Variants in ANO6 observed in about 807,000 individuals in gnomAD.
ANO6 encodes the protein anoctamin 6.
In ANO6, 106 loss-of-function variants were observed where a neutral mutation model predicts 117.5. That is an observed-to-expected ratio of 0.90 (90% CI 0.77 to 1.06). The LOEUF is 1.06. Among genes scored for constraint, ANO6 ranks in the 50% least tolerant of loss-of-function variants. The probability of loss-of-function intolerance (pLI) is 0.00; values close to 1 mark genes in which losing one functional copy is unlikely to be tolerated. For synonymous variants in ANO6, 367 were observed against 385.1 expected, an observed-to-expected ratio of 0.95 and a Z score of 0.55; for missense variants, 955 against 1,121.1, an observed-to-expected ratio of 0.85 and a Z score of 2.12.
intron 1 of ANO6, chr12:45,270,664 A>C (rs1938366812): frequency 4.4e-6 from 2 of 458,242 alleles, no homozygotes; most frequent in Admixed American, 4.1e-5. Flanking sequence ...GTTGAATTGA[A>C]GTTCTGTAAC....
intron 1 of ANO6, among the ~76,000 whole-genome samples, chr12:45,244,571 G>A (rs1269108591): frequency 6.6e-6 from 1 of 152,120 alleles, no homozygotes; most frequent in African/African-American, 2.4e-5. Context: ...TCCAAAAGGG[G>A]ACTGGATTGT....
chr12:45,324,670 A>AAACCCTTAGATG (rs1281294683), intron 2 of ANO6, among the ~76,000 whole-genome samples: 2 of 152,208 alleles, frequency 1.3e-5, no homozygotes, highest in East Asian at 3.9e-4. Flanking sequence ...GTACCAGGAA[A>AAACCCTTAGATG]AACCCTTAGA....
rs557454408 is a variant in ANO6 at position 45,372,733 on chromosome 12, A to G, written c.1104+4940A>G. Among the ~76,000 whole-genome samples the G allele has an allele frequency of 9.3e-3, 1,418 of 152,300 alleles. 27 individuals carry two copies. The highest frequency in any genetic ancestry group is 0.032 in the African/African-American group (1,335 of 41,538). ...GAAGCACTAAACATGGAAAGGAACAACCAGTACCAGGCGCTGCAAAATCAT... is the reference window on the plus strand; with the variant it reads ...GAAGCACTAAACATGGAAAGGAACAGCCAGTACCAGGCGCTGCAAAATCAT... On this transcript the variant is annotated intron_variant, in intron 9 of 19. Coordinates refer to ENST00000320560, the MANE Select transcript of ANO6 (RefSeq NM_001025356.3).
intron 2 of ANO6, among the ~76,000 whole-genome samples, chr12:45,330,408 G>T (rs1940624577): frequency 6.6e-6 from 1 of 152,068 alleles, no homozygotes; most frequent in African/African-American, 2.4e-5. Flanking sequence ...AATCTTATCA[G>T]TTTTTAATGA....
At chr12:45,257,760 T>A (rs1937888267) in intron 1 of ANO6, among the ~76,000 whole-genome samples, 1 of 152,206 alleles carries the variant, frequency 6.6e-6, no homozygotes, top group Non-Finnish European at 1.5e-5. Context: ...TTCATACTGT[T>A]GCCAAATTTA....
At chr12:45,407,070 A>C (rs1181135750) in intron 15 of ANO6, among the ~76,000 whole-genome samples, 1 of 152,204 alleles carries the variant, frequency 6.6e-6, no homozygotes, top group Non-Finnish European at 1.5e-5. Flanking sequence ...GGTGATTCTC[A>C]TGTGAAGTCA....
intron 2 of ANO6, among the ~76,000 whole-genome samples, chr12:45,321,851 C>T (rs1025543116): frequency 6.6e-6 from 1 of 152,098 alleles, no homozygotes; most frequent in Non-Finnish European, 1.5e-5. Context: ...ACTTCCATTT[C>T]TCCCCACAGA....
intron 1 of ANO6, among the ~76,000 whole-genome samples, chr12:45,266,042 A>G (rs1009025896): frequency 5.9e-5 from 9 of 152,194 alleles, no homozygotes; most frequent in Admixed American, 1.3e-4. Flanking sequence ...CTTAGACCCT[A>G]TATCCTTGGT....
intron 1 of ANO6, among the ~76,000 whole-genome samples, chr12:45,260,139 G>A (rs1470301897): frequency 6.6e-6 from 1 of 152,200 alleles, no homozygotes; most frequent in Admixed American, 6.5e-5. Flanking sequence ...CGAGCACTTA[G>A]CGCTGGGCTC....
chr12:45,218,755 T>G (rs554176229), intron 1 of ANO6, among the ~76,000 whole-genome samples: 1 of 152,314 alleles, frequency 6.6e-6, no homozygotes, highest in African/African-American at 2.4e-5. Context: ...AGGAGACTGG[T>G]GAAATGAAGA....
chr12:45,417,875 T>G (rs1317225093), intron 17 of ANO6, among the ~76,000 whole-genome samples: 1 of 152,112 alleles, frequency 6.6e-6, no homozygotes, highest in Admixed American at 6.5e-5. Context: ...GGCTCTAGAG[T>G]CAGGTAGACC....
At chr12:45,400,056 AGT>A (rs1942742586) in intron 12 of ANO6, among the ~76,000 whole-genome samples, 1 of 152,118 alleles carries the variant, frequency 6.6e-6, no homozygotes, top group Non-Finnish European at 1.5e-5. Flanking sequence ...TGGAGAGGTG[AGT>A]GTGTCTTCAG....
chr12:45,306,105 A>G (rs1375500691), intron 2 of ANO6, among the ~76,000 whole-genome samples: 1 of 152,190 alleles, frequency 6.6e-6, no homozygotes, highest in African/African-American at 2.4e-5. Flanking sequence ...AGATACTGCC[A>G]TGGATAGAAA....
chr12:45,324,154 G>A (rs938643203), intron 2 of ANO6, among the ~76,000 whole-genome samples: 9 of 151,926 alleles, frequency 5.9e-5, no homozygotes, highest in Non-Finnish European at 1.5e-5. Context: ...GGCTGGTCTC[G>A]AACTCCTGAC....
chr12:45,310,002 A>G (rs926713717), intron 2 of ANO6, among the ~76,000 whole-genome samples: 19 of 152,102 alleles, frequency 1.2e-4, no homozygotes, highest in African/African-American at 4.6e-4. Context: ...TGTGGTAGGA[A>G]TTCACATGGC....
chr12:45,427,434 C>T (rs1943530092), intron 19 of ANO6, among the ~76,000 whole-genome samples: 1 of 152,168 alleles, frequency 6.6e-6, no homozygotes, highest in Non-Finnish European at 1.5e-5. Context: ...TGGCTATTCC[C>T]TTTACCTAGA....
At chr12:45,246,087 G>A (rs999189139) in intron 1 of ANO6, among the ~76,000 whole-genome samples, 10 of 152,116 alleles carry the variant, frequency 6.6e-5, no homozygotes, top group African/African-American at 2.2e-4. Context: ...GCACTGAATT[G>A]CCAAGTCTGC....
chr12:45,419,250 A>AAATTGAGC (rs1291416084), intron 17 of ANO6, among the ~76,000 whole-genome samples: 15 of 152,264 alleles, frequency 9.9e-5, no homozygotes, highest in Non-Finnish European at 1.5e-4. Context: ...CTCTTGCAGC[A>AAATTGAGC]TGTCTCTCAG....
At chr12:45,298,867 A>G (rs1592933373) in intron 1 of ANO6, among the ~76,000 whole-genome samples, 2 of 152,258 alleles carry the variant, frequency 1.3e-5, no homozygotes, top group East Asian at 3.9e-4. Context: ...AAAAAGAAAA[A>G]AATCAACTTT....
Sources: gnomAD v4.1 joint callset for allele counts (sites outside exome capture counted in the v4.1 genomes callset) on GRCh38, gnomAD v4.1.1 for gene constraint, MANE v1.5 for transcripts, NCBI Gene and HGNC (gene_info 2026-07-23, HGNC 2026-07-21) for gene names.